The following SEPTIN9 variants were observed in gnomAD, a reference collection of about 807,000 sequenced individuals.
SEPTIN9 encodes the protein septin 9, also known as septin-9.
In SEPTIN9, 13 loss-of-function variants were observed where a neutral mutation model predicts 56.6. The ratio of observed to expected loss-of-function variants is 0.23; its 90% CI spans 0.15 to 0.37. The LOEUF (loss-of-function observed/expected upper bound fraction) is 0.37, where lower values mean the gene tolerates loss of function less well. Among genes scored for constraint, SEPTIN9 ranks in the 10% least tolerant of loss-of-function variants. The pLI, the probability that SEPTIN9 is intolerant of heterozygous loss-of-function variation, is 1.00. For missense variants in SEPTIN9, 650 were observed against 823.1 expected (o/e 0.79, Z 2.57); for synonymous variants, 332 against 334.1 (o/e 0.99, Z 0.07).
At chr17:77,311,210 G>T (rs1021681744) in intron 2 of SEPTIN9, among the ~76,000 whole-genome samples, 1 of 149,364 alleles carries the variant, frequency 6.7e-6, no homozygotes, top group Non-Finnish European at 1.5e-5. Flanking sequence ...CTGGGAAGAG[G>T]CAAGGAAGGA....
At chr17:77,403,943 C>T (rs919160843) in intron 3 of SEPTIN9, among the ~76,000 whole-genome samples, 19 of 152,172 alleles carry the variant, frequency 1.2e-4, no homozygotes, top group African/African-American at 4.1e-4. Flanking sequence ...TGCCCCTCCC[C>T]CAGCTGCTGG....
In SEPTIN9 at chr17:77,463,868, T is replaced by A. The variant is rs149186092; in HGVS notation, c.722-18276T>A. Among the ~76,000 whole-genome samples the A allele has an allele frequency of 7.6e-3, 1,141 of 150,994 alleles. 23 individuals carry two copies. Among genetic ancestry groups the A allele is most frequent in the African/African-American group, 0.025 (1,049 of 41,158 alleles). On this transcript the variant is annotated intron_variant, in intron 3 of 11. Coordinates refer to ENST00000427177, the MANE Select transcript of SEPTIN9 (RefSeq NM_001113491.2). ...AAAAAATAAATAAATAAATAAAATT[T>A]AAAAAAAAATAGTAATTCTCGATCG...
rs1445563580 is a variant in SEPTIN9, at chr17:77,369,299, C to T, written c.77-32760C>T. Among the ~76,000 whole-genome samples the T allele has an allele frequency of 1.3e-5, 2 of 152,176 alleles. No homozygotes were observed. The highest frequency in any genetic ancestry group is 2.1e-4 in the South Asian group (1 of 4,824). ...TTGACACCACAGGAATAGGCAAGCG[C>T]TACAAATCGGGAAACTGAGTGTTGT... On this transcript the variant is annotated intron_variant, in intron 2 of 11. Transcript: ENST00000427177. This position sits in a 1 kb window ranked among gnomAD's most constrained non-coding sequence, Gnocchi z 4.9.
At position 77,492,308 on chromosome 17, in the gene SEPTIN9, G is replaced by C. The variant is rs1255391141; in HGVS notation, c.1381-313G>C. On this transcript the variant is annotated intron_variant, in intron 8 of 11. Transcript: ENST00000427177. This position sits in a 1 kb window ranked among gnomAD's most constrained non-coding sequence, Gnocchi z 5.4. ...TTTTTTAGGAAGGGTTTCAGGAGGG[G>C]AGGTCTCGGTAACCCTGAGTACTTT... Among the ~76,000 whole-genome samples, 1 of 152,160 alleles carries C rather than the reference G, an allele frequency of 6.6e-6. No homozygotes were observed. The highest frequency in any genetic ancestry group is 1.5e-5 in the Non-Finnish European group (1 of 68,028).
Position 77,465,896 on chromosome 17 carries a change from CTT to C in SEPTIN9, c.722-16245_722-16244del, listed in dbSNP as rs1364916321. Among the ~76,000 whole-genome samples the C allele has an allele frequency of 3.3e-5, 5 of 152,006 alleles. No individual in the cohort carries two copies. The East Asian group carries it at 7.7e-4, about 24-fold the overall frequency. ...GCTGGGCTGAGGCTGGGGGAAGTGA[CTT>C]TTATTTTTCTGAGAGGATTCTTCCC... is the stretch of plus-strand genomic sequence containing the variant. On this transcript the variant is annotated intron_variant, in intron 3 of 11. Coordinates refer to ENST00000427177, the MANE Select transcript of SEPTIN9 (RefSeq NM_001113491.2).
At chr17:77,337,377 T>C (rs2143739381) in intron 2 of SEPTIN9, among the ~76,000 whole-genome samples, 1 of 152,274 alleles carries the variant, frequency 6.6e-6, no homozygotes, top group South Asian at 2.1e-4. Flanking sequence ...ATATCATCCT[T>C]TTTATATATT....
At chr17:77,384,667 G>T (rs1245277385) in intron 2 of SEPTIN9, among the ~76,000 whole-genome samples, 6 of 151,890 alleles carry the variant, frequency 4.0e-5, no homozygotes, top group Non-Finnish European at 1.5e-5. Context: ...CCATTTTTTA[G>T]CAAGATCCAG....
In SEPTIN9 at chr17:77,326,267, G is replaced by A. The variant is rs940169839; in HGVS notation, c.76+19070G>A. ...CCTGTGGACTTGGCGCTGGGGTCCCGTGGAGGACAAAGCCAGACACAGTCC... is the reference window on the plus strand; with the variant it reads ...CCTGTGGACTTGGCGCTGGGGTCCCATGGAGGACAAAGCCAGACACAGTCC... On this transcript the variant is annotated intron_variant, in intron 2 of 11. Coordinates refer to ENST00000427177, the MANE Select transcript of SEPTIN9 (RefSeq NM_001113491.2). The surrounding 1 kb of genome is among the most constrained non-coding windows in gnomAD (Gnocchi z 5.1). Among the ~76,000 whole-genome samples, 2 of 152,194 alleles carry A rather than the reference G, an allele frequency of 1.3e-5. No homozygotes were observed. The highest frequency in any genetic ancestry group is 1.9e-4 in the East Asian group (1 of 5,196).
rs572872544 is a variant in SEPTIN9, at chr17:77,409,683, A to C, written c.721+6980A>C. Among the ~76,000 whole-genome samples, 61 of 152,218 alleles carry C rather than the reference A, an allele frequency of 4.0e-4. No homozygotes were observed. The South Asian group carries it at 0.012, about 30-fold the overall frequency. Reference sequence around the variant, plus strand: ...CCCAGGAAGTCAGAGCAGCTGCCAGAAGAGAGAGGAGCTGTGTCTGTACCC... The same window carrying C: ...CCCAGGAAGTCAGAGCAGCTGCCAGCAGAGAGAGGAGCTGTGTCTGTACCC... On this transcript the variant is annotated intron_variant, in intron 3 of 11. Transcript: ENST00000427177.
chr17:77,384,100 C>T (rs979206536), intron 2 of SEPTIN9, among the ~76,000 whole-genome samples: 5 of 152,268 alleles, frequency 3.3e-5, no homozygotes, highest in African/African-American at 7.2e-5. Context: ...CGGCGGCTGC[C>T]CTGACTGTGA....
intron 2 of SEPTIN9, chr17:77,320,284 C>A: frequency 1.2e-6 from 2 of 1,611,860 alleles, no homozygotes; most frequent in Non-Finnish European, 1.7e-6. Context: ...CGCCTCTGAG[C>A]GGGACGCCGG....
chr17:77,452,776 G>A (rs865826634), intron 3 of SEPTIN9, among the ~76,000 whole-genome samples: 13 of 151,672 alleles, frequency 8.6e-5, no homozygotes, highest in African/African-American at 1.7e-4. Context: ...ATGGGGCCAC[G>A]TGTGTTTCCA....
In SEPTIN9 at chr17:77,402,381, G is replaced by C; in HGVS notation, c.399G>C (p.Lys133Asn). Residue 133 changes from lysine (K) to asparagine (N), a missense_variant, in exon 3 of 12, where the codon AAG becomes AAC. By Grantham distance (94) the Lys-to-Asn change is moderately conservative. Coordinates refer to ENST00000427177, the MANE Select transcript of SEPTIN9 (RefSeq NM_001113491.2). This position sits in a 1 kb window ranked among gnomAD's most constrained non-coding sequence, Gnocchi z 6.6. ...TCGGCCCGTCCCGGTTCGGGCTCAAGAGGGCCGAGGTGTTGGGCCACAAGA... is the reference window on the plus strand; with the variant it reads ...TCGGCCCGTCCCGGTTCGGGCTCAACAGGGCCGAGGTGTTGGGCCACAAGA... ...GAIGPSRFGLKRAEVLGHKTP... is the reference protein window; with the variant it reads ...GAIGPSRFGLNRAEVLGHKTP... 6.2e-7 allele frequency: 1 copy of C among 1,611,876 alleles called. No homozygotes were observed. The highest frequency in any genetic ancestry group is 8.5e-7 in the Non-Finnish European group (1 of 1,179,504).
At chr17:77,356,499 G>C (rs980686368) in intron 2 of SEPTIN9, among the ~76,000 whole-genome samples, 4 of 151,330 alleles carry the variant, frequency 2.6e-5, no homozygotes, top group Admixed American at 1.3e-4. Context: ...TGGGGGCCAG[G>C]GGGGAGCGAC....
Position 77,458,691 on chromosome 17 carries a change from C to A in SEPTIN9, c.722-23453C>A, listed in dbSNP as rs530253582. 3.9e-5 allele frequency among the ~76,000 whole-genome samples: 6 copies of A among 152,294 alleles called. No individual in the cohort carries two copies. In the East Asian group the frequency reaches 9.6e-4, roughly 24 times the overall value. On this transcript the variant is annotated intron_variant, in intron 3 of 11. Coordinates refer to ENST00000427177, the MANE Select transcript of SEPTIN9 (RefSeq NM_001113491.2). ...AGCTGCGGTGGCTGCCAAGGCCCAACCACATGGCAGCCACGGGCTGAGTGG... is the reference window on the plus strand; with the variant it reads ...AGCTGCGGTGGCTGCCAAGGCCCAAACACATGGCAGCCACGGGCTGAGTGG...
intron 2 of SEPTIN9, chr17:77,322,466 A>G (rs1267414246): frequency 6.6e-6 from 1 of 152,218 alleles, no homozygotes; most frequent in Non-Finnish European, 1.5e-5. Flanking sequence ...CTCAGTTGTA[A>G]ACTGGCTGCC....
intron 7 of SEPTIN9, among the ~76,000 whole-genome samples, chr17:77,490,087 T>C (rs578076602): frequency 6.6e-6 from 1 of 152,264 alleles, no homozygotes; most frequent in African/African-American, 2.4e-5. Context: ...TCCAGTCCCA[T>C]GGGGCAGGGG....
intron 2 of SEPTIN9, among the ~76,000 whole-genome samples, chr17:77,357,075 C>T (rs957304965): frequency 6.6e-5 from 10 of 151,822 alleles, no homozygotes; most frequent in African/African-American, 2.2e-4. Context: ...GACAAGGTGT[C>T]GGAGGAAGGG....
chr17:77,362,102 C>T (rs1376675548), intron 2 of SEPTIN9, among the ~76,000 whole-genome samples: 1 of 152,256 alleles, frequency 6.6e-6, no homozygotes, highest in Non-Finnish European at 1.5e-5. Flanking sequence ...CCACATTCAC[C>T]TCCTTGAAAT....
Sources: gnomAD v4.1 joint callset for allele counts (sites outside exome capture counted in the v4.1 genomes callset) on GRCh38, gnomAD v4.1.1 for gene constraint, Gnocchi (gnomAD v3.1) non-coding constraint, MANE v1.5 for transcripts, NCBI Gene and HGNC (gene_info 2026-07-23, HGNC 2026-07-21) for gene names.